The following PTPRD variants were observed in gnomAD, a reference collection of about 807,000 sequenced individuals.
PTPRD encodes the protein protein tyrosine phosphatase receptor type D.
A neutral mutation model predicts 214.5 loss-of-function variants in PTPRD; 34 were observed. That is an observed-to-expected ratio of 0.16 (90% confidence interval 0.12 to 0.21). The LOEUF is 0.21. Ranked by LOEUF, PTPRD falls within the 10% of genes least tolerant of loss-of-function variation. PTPRD has a pLI of 1.00. For synonymous variants in PTPRD, 1,128 were observed against 845.7 expected (o/e 1.33, Z -5.79); for missense variants, 2,545 against 2,398.7 (o/e 1.06, Z -1.27).
intron 9 of PTPRD, among the ~76,000 whole-genome samples, chr9:9,360,345 G>C (rs896808711): frequency 7.3e-5 from 11 of 151,068 alleles, no homozygotes; most frequent in Non-Finnish European, 1.3e-4. Flanking sequence ...CAAATAATAG[G>C]AAAAAGAAAT....
intron 2 of PTPRD, among the ~76,000 whole-genome samples, chr9:10,464,393 A>G (rs931712714): frequency 2.7e-5 from 4 of 147,928 alleles, no homozygotes; most frequent in Non-Finnish European, 4.5e-5. Flanking sequence ...AGAGAAAGAG[A>G]GAGAGAGAGA....
chr9:8,337,439 G>T (rs1042173215), intron 43 of PTPRD, among the ~76,000 whole-genome samples: 1 of 151,328 alleles, frequency 6.6e-6, no homozygotes, highest in Non-Finnish European at 1.5e-5. Flanking sequence ...ATCACACACT[G>T]GGGCCTGTTG....
At chr9:8,557,895 CAT>C (rs1184321738) in intron 14 of PTPRD, among the ~76,000 whole-genome samples, 3 of 147,132 alleles carry the variant, frequency 2.0e-5, no homozygotes, top group Admixed American at 6.8e-5. Flanking sequence ...AGGAAATAAA[CAT>C]AGAAGTAAAG....
At chr9:10,330,657 G>A (rs2096732707) in intron 3 of PTPRD, among the ~76,000 whole-genome samples, 1 of 151,790 alleles carries the variant, frequency 6.6e-6, no homozygotes, top group South Asian at 2.1e-4. Context: ...TTGGCCACAA[G>A]AGATATTTGC....
rs532118916 is a variant in PTPRD at position 8,651,123 on chromosome 9, T to A, written c.65-14279A>T. On this transcript the variant is annotated intron_variant, in intron 12 of 45. Coordinates refer to ENST00000381196, the MANE Select transcript of PTPRD (RefSeq NM_002839.4). ...TTTTCTACACAAATATCCAAATTCT[T>A]TTTTAGAGTGAAGAGAAAGAATCTA... 3.9e-5 allele frequency among the ~76,000 whole-genome samples: 6 copies of A among 152,330 alleles called. No individual in the cohort carries two copies. The Middle Eastern group carries it at 0.014, about 345-fold the overall frequency.
chr9:9,255,010 A>T (rs553307766), intron 9 of PTPRD, among the ~76,000 whole-genome samples: 45 of 152,184 alleles, frequency 3.0e-4, no homozygotes, highest in African/African-American at 9.6e-4. Flanking sequence ...TGCTTCTATG[A>T]TATAGATGAG....
At chr9:9,221,331 A>G (rs1057163131) in intron 9 of PTPRD, among the ~76,000 whole-genome samples, 3 of 152,122 alleles carry the variant, frequency 2.0e-5, no homozygotes, top group Non-Finnish European at 4.4e-5. Context: ...TGGCTTCCTA[A>G]TTTGGTTAAC....
intron 4 of PTPRD, among the ~76,000 whole-genome samples, chr9:10,018,750 C>A (rs1223017041): frequency 6.6e-6 from 1 of 150,788 alleles, no homozygotes; most frequent in Non-Finnish European, 1.5e-5. Flanking sequence ...GGGGTTTCAC[C>A]GTTTTAGCCG....
At chr9:10,295,206 T>TA (rs1443160396) in intron 3 of PTPRD, among the ~76,000 whole-genome samples, 1 of 152,050 alleles carries the variant, frequency 6.6e-6, no homozygotes, top group Non-Finnish European at 1.5e-5. Context: ...TCCTTTTTCC[T>TA]AAAAACAAAG....
At chr9:8,891,633 A>G (rs1405719136) in intron 11 of PTPRD, among the ~76,000 whole-genome samples, 1 of 152,160 alleles carries the variant, frequency 6.6e-6, no homozygotes, top group Non-Finnish European at 1.5e-5. Flanking sequence ...CAATGGCCTG[A>G]ATTCTTCTCC....
At chr9:8,963,187 CTG>C (rs2099167854) in intron 11 of PTPRD, 1 of 151,908 alleles carries the variant, frequency 6.6e-6, no homozygotes, top group African/African-American at 2.4e-5. Flanking sequence ...AAAAGGAAAA[CTG>C]AGACTTGTAA....
intron 39 of PTPRD, among the ~76,000 whole-genome samples, chr9:8,363,850 C>T (rs569210080): frequency 1.3e-5 from 2 of 152,284 alleles, no homozygotes; most frequent in Admixed American, 1.3e-4. Flanking sequence ...TTGTCCTCAG[C>T]ACAGAGACTG....
In PTPRD at chr9:9,212,969, A is replaced by G. The variant is rs77513995; in HGVS notation, c.-202-29606T>C. The stretch of plus-strand genomic sequence containing the variant: ...TTAGCCTAGAGTTCTCTAAGATTCT[A>G]TAGATTCTAACTCCTATAACTGTGA... On this transcript the variant is annotated intron_variant, in intron 9 of 45. Coordinates refer to ENST00000381196, the MANE Select transcript of PTPRD (RefSeq NM_002839.4). Among the ~76,000 whole-genome samples the G allele has an allele frequency of 4.6e-5, 7 of 152,276 alleles. No homozygotes were observed. The East Asian group carries it at 1.2e-3, about 25-fold the overall frequency.
chr9:10,234,872 C>T (rs537826393), intron 3 of PTPRD, among the ~76,000 whole-genome samples: 1 of 151,940 alleles, frequency 6.6e-6, no homozygotes, highest in East Asian at 1.9e-4. Context: ...TGAACTGAGT[C>T]TGCAATTCTT....
intron 2 of PTPRD, among the ~76,000 whole-genome samples, chr9:10,448,842 G>C (rs1273048587): frequency 6.6e-6 from 1 of 151,910 alleles, no homozygotes; most frequent in Non-Finnish European, 1.5e-5. Context: ...TCTCCAAATA[G>C]AGAAGGGATC....
In PTPRD at chr9:10,379,421, G is replaced by C. The variant is rs187700418; in HGVS notation, c.-599-38404C>G. On this transcript the variant is annotated intron_variant, in intron 2 of 45. Coordinates refer to ENST00000381196, the MANE Select transcript of PTPRD (RefSeq NM_002839.4). ...ATTATGTTGAGTAACAATGGTAAAA[G>C]TTAGCATCCTTGTTGCATTCCAGAT... Among the ~76,000 whole-genome samples, 535 of 151,938 alleles carry C rather than the reference G, an allele frequency of 3.5e-3. 1 individual carries two copies. Among genetic ancestry groups the C allele is most frequent in the African/African-American group, 0.011 (447 of 41,496 alleles).
At chr9:8,769,020 T>C (rs2094983747) in intron 11 of PTPRD, among the ~76,000 whole-genome samples, 1 of 152,188 alleles carries the variant, frequency 6.6e-6, no homozygotes, top group Non-Finnish European at 1.5e-5. Flanking sequence ...GGGAGGTGTT[T>C]AGCCAAAAGC....
At chr9:9,368,007 CA>C (rs2058362906) in intron 9 of PTPRD, among the ~76,000 whole-genome samples, 1 of 151,694 alleles carries the variant, frequency 6.6e-6, no homozygotes, top group Non-Finnish European at 1.5e-5. Flanking sequence ...CTCAGTCTGG[CA>C]TGATTAAACT....
intron 10 of PTPRD, among the ~76,000 whole-genome samples, chr9:9,067,417 G>A (rs1220767315): frequency 6.6e-6 from 1 of 152,012 alleles, no homozygotes; most frequent in African/African-American, 2.4e-5. Flanking sequence ...GTTAATATTT[G>A]CTTATTTTTC....
Sources: gnomAD v4.1 joint callset for allele counts (sites outside exome capture counted in the v4.1 genomes callset) on GRCh38, gnomAD v4.1.1 for gene constraint, MANE v1.5 for transcripts, NCBI Gene and HGNC (gene_info 2026-07-23, HGNC 2026-07-21) for gene names.